BAZ2B: variants seen among roughly 807,000 people sequenced by gnomAD.
The protein encoded by BAZ2B is bromodomain adjacent to zinc finger domain 2B.
Under a neutral mutation model 246.0 loss-of-function variants are expected in BAZ2B, and 91 were observed. The ratio of observed to expected loss-of-function variants is 0.37; its 90% CI spans 0.31 to 0.44. The LOEUF (loss-of-function observed/expected upper bound fraction) is 0.44. Ranked by LOEUF, BAZ2B falls within the 20% of genes least tolerant of loss-of-function variation. BAZ2B has a pLI of 1.00. For synonymous variants in BAZ2B, 855 were observed against 860.0 expected, an observed-to-expected ratio of 0.99 and a Z score of 0.10; for missense variants, 2,332 against 2,533.7, an observed-to-expected ratio of 0.92 and a Z score of 1.71.
rs1361402498 is a variant in BAZ2B, at chr2:159,428,408, T to C, written c.2267A>G (p.Glu756Gly). 4 of 1,612,494 alleles carry C rather than the reference T, an allele frequency of 2.5e-6. No individual in the cohort carries two copies. The highest frequency in any genetic ancestry group is 3.4e-6 in the Non-Finnish European group (4 of 1,179,076). Residue 756 changes from glutamate (E) to glycine (G), a missense_variant, in exon 12 of 37, where the codon GAG (glutamate) becomes GGG (glycine). Glu to Gly is a moderately conservative substitution (Grantham distance 98). Coordinates refer to ENST00000392783, the MANE Select transcript of BAZ2B (RefSeq NM_013450.4). ...CCCTCCAAAGTTTCTTATTCTTGTC[T>C]CTCTCTGCCAGCTACACATAACAGA... ...RIPLEYGWQRETRIRNFGGRL... is the reference protein window; with the variant it reads ...RIPLEYGWQRGTRIRNFGGRL...
intron 3 of BAZ2B, among the ~76,000 whole-genome samples, chr2:159,465,042 A>C (rs1478465398): frequency 6.6e-6 from 1 of 152,246 alleles, no homozygotes; most frequent in Non-Finnish European, 1.5e-5. Flanking sequence ...CTGCCATAAC[A>C]AAGTACCACA....
intron 2 of BAZ2B, among the ~76,000 whole-genome samples, chr2:159,520,607 C>T (rs1393570223): frequency 6.6e-6 from 1 of 152,092 alleles, no homozygotes; most frequent in East Asian, 1.9e-4. Context: ...TTTATAACAG[C>T]TCATGTTTGT....
chr2:159,699,699 C>G, the BAZ2B span, among the ~76,000 whole-genome samples: 2 of 152,158 alleles, frequency 1.3e-5, no homozygotes, highest in Admixed American at 6.5e-5. Context: ...CTTCTTTCTA[C>G]CCATCTGAAT....
chr2:159,549,235 T>C (rs1050216452), intron 2 of BAZ2B, among the ~76,000 whole-genome samples: 27 of 152,142 alleles, frequency 1.8e-4, no homozygotes, highest in African/African-American at 6.0e-4. Flanking sequence ...GAGCCGAGAT[T>C]GCACCACTGC....
At chr2:159,522,385 A>C (rs1295589714) in intron 2 of BAZ2B, among the ~76,000 whole-genome samples, 1 of 152,172 alleles carries the variant, frequency 6.6e-6, no homozygotes, top group Non-Finnish European at 1.5e-5. Context: ...TAACAGGCTA[A>C]TCTCTGGCAT....
chr2:159,327,712 T>C (rs1237671827), intron 34 of BAZ2B, among the ~76,000 whole-genome samples: 2 of 152,210 alleles, frequency 1.3e-5, no homozygotes, highest in Admixed American at 1.3e-4. Context: ...TTAGTTTCTA[T>C]TTGAACTAAA....
chr2:159,486,539 G>GT (rs1488119733), intron 2 of BAZ2B, among the ~76,000 whole-genome samples: 2 of 151,044 alleles, frequency 1.3e-5, no homozygotes, highest in Non-Finnish European at 3.0e-5. Context: ...GAACAAAGTG[G>GT]GGATAACAGG....
At chr2:159,637,826 T>G in the BAZ2B span, among the ~76,000 whole-genome samples, 1 of 152,178 alleles carries the variant, frequency 6.6e-6, no homozygotes, top group African/African-American at 2.4e-5. Flanking sequence ...CCTCCCAAAT[T>G]GTTAGGATTA....
chr2:159,622,519 A>C, the BAZ2B span, among the ~76,000 whole-genome samples: 1 of 152,212 alleles, frequency 6.6e-6, no homozygotes. Context: ...AAATCTTACT[A>C]CATAAAATAG....
At chr2:159,636,135 T>A in the BAZ2B span, among the ~76,000 whole-genome samples, 1 of 152,202 alleles carries the variant, frequency 6.6e-6, no homozygotes, top group Non-Finnish European at 1.5e-5. Flanking sequence ...AAGCCTACAC[T>A]GCTCGACCCC....
At chr2:159,343,870 C>CA in intron 31 of BAZ2B, among the ~76,000 whole-genome samples, 1 of 151,412 alleles carries the variant, frequency 6.6e-6, no homozygotes, top group Middle Eastern at 3.4e-3. Flanking sequence ...ACTAAAAATA[C>CA]AAAAAATTAG....
At chr2:159,350,810 C>T (rs2058470418) in intron 27 of BAZ2B, among the ~76,000 whole-genome samples, 2 of 152,020 alleles carry the variant, frequency 1.3e-5, no homozygotes, top group South Asian at 4.1e-4. Context: ...TGAGGTCAGG[C>T]AATCCACCTG....
At chr2:159,591,934 G>A (rs1689481550) in intron 1 of BAZ2B, among the ~76,000 whole-genome samples, 1 of 152,048 alleles carries the variant, frequency 6.6e-6, no homozygotes, top group Non-Finnish European at 1.5e-5. Flanking sequence ...AGGCTGGGCA[G>A]CAAGGCAAGA....
intron 16 of BAZ2B, among the ~76,000 whole-genome samples, chr2:159,401,807 CA>C (rs2065117426): frequency 6.6e-6 from 1 of 151,984 alleles, no homozygotes; most frequent in African/African-American, 2.4e-5. Flanking sequence ...TTAATCCGTT[CA>C]AAAGTCCCAA....
the BAZ2B span, among the ~76,000 whole-genome samples, chr2:159,681,059 GA>G: frequency 6.6e-6 from 1 of 151,998 alleles, no homozygotes; most frequent in Non-Finnish European, 1.5e-5. Context: ...AAAGCGGGGG[GA>G]AAAAACTTCA....
upstream of BAZ2B, among the ~76,000 whole-genome samples, chr2:159,617,836 C>T (rs373023934): frequency 1.3e-5 from 2 of 151,854 alleles, no homozygotes; most frequent in South Asian, 2.1e-4. Context: ...AGCCTTACCT[C>T]GGTCATTTGT....
the BAZ2B span, among the ~76,000 whole-genome samples, chr2:159,682,172 T>C: frequency 2.6e-3 from 390 of 151,138 alleles, 2 homozygotes; most frequent in African/African-American, 9.0e-3. Flanking sequence ...TGCTGTTTTC[T>C]TTGCTTCCTG....
chr2:159,608,203 C>T (rs1472663603), intron 1 of BAZ2B, among the ~76,000 whole-genome samples: 1 of 151,994 alleles, frequency 6.6e-6, no homozygotes, highest in African/African-American at 2.4e-5. Flanking sequence ...GCTAAAACCC[C>T]GTCTCTACAA....
intron 2 of BAZ2B, chr2:159,516,350 A>G (rs1322317744): frequency 3.3e-5 from 5 of 151,480 alleles, no homozygotes; most frequent in African/African-American, 1.2e-4. Context: ...ACTCCAAAAC[A>G]ACAAGCCGTG....
Sources: gnomAD v4.1 joint callset for allele counts (sites outside exome capture counted in the v4.1 genomes callset) on GRCh38, gnomAD v4.1.1 for gene constraint, MANE v1.5 for transcripts, NCBI Gene and HGNC (gene_info 2026-07-23, HGNC 2026-07-21) for gene names.